Variants in SLC26A5 observed in about 807,000 individuals in gnomAD.
The protein encoded by SLC26A5 is solute carrier family 26 member 5.
In SLC26A5, 51 loss-of-function variants were observed where a neutral mutation model predicts 81.0. The observed-to-expected ratio is 0.63, with a 90% confidence interval of 0.50 to 0.80. SLC26A5 has a LOEUF of 0.80. SLC26A5 is among the 30% of genes least tolerant of loss of function. The pLI, the probability that SLC26A5 is intolerant of heterozygous loss-of-function variation, is 0.00. For missense variants in SLC26A5, 771 were observed against 905.8 expected (o/e 0.85, Z 1.91); for synonymous variants, 325 against 332.8 (o/e 0.98, Z 0.25).
chr7:103,365,460 C>T (rs1486700546), intron 19 of SLC26A5, among the ~76,000 whole-genome samples: 2 of 151,950 alleles, frequency 1.3e-5, no homozygotes, highest in Admixed American at 6.6e-5. Context: ...GGAGAAACCC[C>T]GTCTCCATTG....
At chr7:103,363,199 C>T in intron 19 of SLC26A5, 1 of 616,780 alleles carries the variant, frequency 1.6e-6, no homozygotes, top group African/African-American at 1.9e-5. Context: ...GCAAGTAGTT[C>T]CAGGGCACTG....
At chr7:103,406,953 C>T (rs149149714) in intron 8 of SLC26A5, among the ~76,000 whole-genome samples, 93 of 152,312 alleles carry the variant, frequency 6.1e-4, no homozygotes, top group African/African-American at 1.9e-3. Flanking sequence ...CACACCTAGA[C>T]GACTCTTCAT....
intron 19 of SLC26A5, chr7:103,361,866 T>G: frequency 7.1e-6 from 9 of 1,267,566 alleles, no homozygotes; most frequent in Non-Finnish European, 9.8e-6. Flanking sequence ...TTTATACCTG[T>G]ATATTGCACA....
intron 2 of SLC26A5, among the ~76,000 whole-genome samples, chr7:103,438,141 T>C (rs752666920): frequency 1.5e-4 from 23 of 152,224 alleles, no homozygotes; most frequent in Non-Finnish European, 3.2e-4. Flanking sequence ...GTTGGCCCTC[T>C]CTATCTGCAG....
At chr7:103,441,613 T>G (rs1205697142) in intron 2 of SLC26A5, among the ~76,000 whole-genome samples, 1 of 152,178 alleles carries the variant, frequency 6.6e-6, no homozygotes, top group Non-Finnish European at 1.5e-5. Context: ...TGCTGACACC[T>G]TCTTCCCCAC....
chr7:103,393,600 A>C (rs1264361330), intron 9 of SLC26A5, among the ~76,000 whole-genome samples: 1 of 150,000 alleles, frequency 6.7e-6, no homozygotes, highest in Non-Finnish European at 1.5e-5. Flanking sequence ...TGTGTGTTTT[A>C]TCCCATTAGC....
intron 17 of SLC26A5, 83 bp from the exon 18 acceptor site, chr7:103,377,882 G>T: frequency 7.5e-7 from 1 of 1,341,350 alleles, no homozygotes; most frequent in Non-Finnish European, 1.1e-6. Flanking sequence ...TGGAAAATCT[G>T]CTCTTGTGTT....
chr7:103,355,101 A>G, intron 19 of SLC26A5: 1 of 634,538 alleles, frequency 1.6e-6, no homozygotes, highest in Non-Finnish European at 2.7e-6. Flanking sequence ...TCATTTAACC[A>G]TATCTTTCAC....
chr7:103,359,138 CTT>C lies in SLC26A5; in HGVS notation c.2042-6214_2042-6213del, dbSNP rs35936603. Among the ~76,000 whole-genome samples the C allele has an allele frequency of 3.6e-3, 114 of 31,308 alleles. 1 individual carries two copies. The highest frequency in any genetic ancestry group is 0.012 in the African/African-American group (111 of 9,416). 20.5% of individuals were successfully genotyped at this position (31,308 alleles called of 152,430 possible). A position where few individuals can be genotyped will look rare whatever the true frequency, so the allele number is the denominator to read the frequency against. On this transcript the variant is annotated intron_variant, in intron 19 of 19. Transcript: ENST00000339444. ...CAGGTGCATACCACCCCATGTCTGG[CTT>C]TTTTTTTTTTTTTTTTTTTTTTTTT...
At chr7:103,399,215 G>C (rs1005030257) in intron 8 of SLC26A5, among the ~76,000 whole-genome samples, 1 of 152,138 alleles carries the variant, frequency 6.6e-6, no homozygotes, top group Admixed American at 6.5e-5. Context: ...GTCTTTAAAG[G>C]GAATCTGGGA....
intron 16 of SLC26A5, 30 bp downstream of exon 16, chr7:103,379,213 C>T (rs1401964766): frequency 6.7e-7 from 1 of 1,500,144 alleles, no homozygotes; most frequent in Non-Finnish European, 9.3e-7. Context: ...AAATCCCATC[C>T]TCAGAAATAA....
chr7:103,436,336 A>G (rs561787118), intron 2 of SLC26A5, among the ~76,000 whole-genome samples: 74 of 152,286 alleles, frequency 4.9e-4, no homozygotes, highest in African/African-American at 1.7e-3. Context: ...GCATTAAGTG[A>G]AAGGGGAATA....
intron 2 of SLC26A5, among the ~76,000 whole-genome samples, chr7:103,436,626 C>A (rs761340282): frequency 6.6e-6 from 1 of 152,088 alleles, no homozygotes; most frequent in Non-Finnish European, 1.5e-5. Flanking sequence ...ATGTGCCAAG[C>A]CCAAAGTGGT....
intron 9 of SLC26A5, among the ~76,000 whole-genome samples, chr7:103,395,501 G>GTA (rs72433350): frequency 5.9e-4 from 63 of 106,654 alleles, no homozygotes; most frequent in African/African-American, 2.0e-3. Flanking sequence ...ATATATGTAT[G>GTA]TATATATATA....
intron 2 of SLC26A5, among the ~76,000 whole-genome samples, chr7:103,428,332 T>C (rs367648710): frequency 2.6e-5 from 4 of 152,170 alleles, no homozygotes; most frequent in Non-Finnish European, 5.9e-5. Context: ...TGAATGAACA[T>C]ATAAAAATAA....
chr7:103,425,379 T>A (rs1056134402), intron 2 of SLC26A5, among the ~76,000 whole-genome samples: 1 of 152,164 alleles, frequency 6.6e-6, no homozygotes, highest in Non-Finnish European at 1.5e-5. Context: ...GAGCACAGCC[T>A]CCAGGAGGCA....
chr7:103,374,463 G>GCACA lies in SLC26A5; in HGVS notation c.2170_2171insTGTG (p.Ala724ValfsTer21), dbSNP rs772752650. 1.2e-6 allele frequency: 2 copies of GCACA among 1,613,342 alleles called. No individual in the cohort carries two copies. Among genetic ancestry groups the GCACA allele is most frequent in the South Asian group, 2.2e-5 (2 of 91,036 alleles). On this transcript the variant is annotated frameshift_variant, in exon 20 of 20. Transcript: ENST00000306312. LOFTEE classifies it high-confidence loss of function. Reference sequence around the variant, plus strand: ...GTCCTCCTGGGAAGGGGGAGCCGAGGCTTCCTGTTCAGCAAGTGCCTCTCT... The same window carrying GCACA: ...GTCCTCCTGGGAAGGGGGAGCCGAGGCACACTTCCTGTTCAGCAAGTGCCTCTCT...
At chr7:103,389,509 TC>T (rs1822472975) in intron 12 of SLC26A5, 85 bp from the exon 13 acceptor site, 3 of 945,604 alleles carry the variant, frequency 3.2e-6, no homozygotes, top group Non-Finnish European at 3.5e-6. Flanking sequence ...CCTGCTGTCC[TC>T]CCCATGCCTT....
At chr7:103,398,894 T>G (rs1465014107) in intron 8 of SLC26A5, among the ~76,000 whole-genome samples, 1 of 152,156 alleles carries the variant, frequency 6.6e-6, no homozygotes, top group Non-Finnish European at 1.5e-5. Flanking sequence ...CCTTTTCTGT[T>G]GATGACAATT....
Sources: allele counts gnomAD v4.1 joint callset (sites outside exome capture counted in the v4.1 genomes callset), GRCh38; gene constraint gnomAD v4.1.1; transcripts MANE v1.5; gene names NCBI Gene and HGNC (gene_info 2026-07-23, HGNC 2026-07-21).